The following GABRB2 variants were observed in gnomAD, a reference collection of about 807,000 sequenced individuals.
GABRB2 encodes gamma-aminobutyric acid receptor subunit beta-2.
GABRB2 carries 16 observed loss-of-function variants against 54.7 expected under a neutral mutation model. The ratio of observed to expected loss-of-function variants is 0.29; its 90% CI spans 0.20 to 0.44. The LOEUF (loss-of-function observed/expected upper bound fraction) is 0.44, where lower values mean the gene tolerates loss of function less well. Among genes scored for constraint, GABRB2 ranks in the 20% least tolerant of loss-of-function variants. The pLI is 1.00. For synonymous variants in GABRB2, 244 were observed against 233.8 expected, an observed-to-expected ratio of 1.04 and a Z score of -0.40; for missense variants, 355 against 644.0, an observed-to-expected ratio of 0.55 and a Z score of 4.86.
intron 3 of GABRB2, among the ~76,000 whole-genome samples, chr5:161,460,913 C>G (rs1186232784): frequency 6.6e-6 from 1 of 152,062 alleles, no homozygotes; most frequent in African/African-American, 2.4e-5. Context: ...AGAGAAGGAG[C>G]CCAAACCACT....
At chr5:161,428,616 A>C (rs1396878727) in intron 4 of GABRB2, among the ~76,000 whole-genome samples, 2 of 152,196 alleles carry the variant, frequency 1.3e-5, no homozygotes, top group Non-Finnish European at 2.9e-5. Flanking sequence ...AAAAGTCATT[A>C]AACTACTGAG....
intron 5 of GABRB2, among the ~76,000 whole-genome samples, chr5:161,355,341 T>C (rs1414041084): frequency 6.7e-6 from 1 of 148,524 alleles, no homozygotes; most frequent in Non-Finnish European, 1.5e-5. Context: ...TAACATATGG[T>C]ATATATGATA....
chr5:161,300,123 A>G (rs1175705887), intron 9 of GABRB2, among the ~76,000 whole-genome samples: 1 of 152,200 alleles, frequency 6.6e-6, no homozygotes, highest in Admixed American at 6.5e-5. Context: ...CAAGGTCAAG[A>G]GCAAAAGTAT....
chr5:161,519,267 C>A (rs1234236890), intron 3 of GABRB2, among the ~76,000 whole-genome samples: 1 of 152,166 alleles, frequency 6.6e-6, no homozygotes, highest in African/African-American at 2.4e-5. Context: ...AGACTCACAG[C>A]TTTTCATTAT....
chr5:161,358,507 T>C (rs1423682778), intron 5 of GABRB2, among the ~76,000 whole-genome samples: 1 of 152,180 alleles, frequency 6.6e-6, no homozygotes, highest in Admixed American at 6.5e-5. Flanking sequence ...AATAACAGCA[T>C]GTTTCTAATA....
intron 4 of GABRB2, among the ~76,000 whole-genome samples, chr5:161,438,462 C>T (rs1050672726): frequency 6.6e-6 from 1 of 152,134 alleles, no homozygotes; most frequent in African/African-American, 2.4e-5. Flanking sequence ...GACCAGAATA[C>T]ACAGCTAACT....
intron 9 of GABRB2, among the ~76,000 whole-genome samples, chr5:161,317,060 GGT>G (rs149852961): frequency 1.3e-5 from 2 of 151,710 alleles, no homozygotes; most frequent in Non-Finnish European, 2.9e-5. Context: ...GTGTGTGGCA[GGT>G]GTGTGTGTGT....
rs1365339926 is a variant in GABRB2, at chr5:161,546,415, TA to T, written c.78-3del. Reference sequence around the variant, plus strand: ...GACATATTACTAGGGTCATTGACACTAAAGAAAGAAATGACAATAAGCAGGC... The same window carrying T: ...GACATATTACTAGGGTCATTGACACTAAGAAAGAAATGACAATAAGCAGGC... On this transcript the variant is annotated splice_polypyrimidine_tract_variant and splice_region_variant and intron_variant, in intron 1 of 9. Transcript: ENST00000393959. 1 of 1,612,248 alleles carries T rather than the reference TA, an allele frequency of 6.2e-7. No individual in the cohort carries two copies. Among genetic ancestry groups the T allele is most frequent in the Non-Finnish European group, 8.5e-7 (1 of 1,178,430 alleles).
chr5:161,431,609 G>A (rs983213574), intron 4 of GABRB2, among the ~76,000 whole-genome samples: 1 of 152,028 alleles, frequency 6.6e-6, no homozygotes, highest in Non-Finnish European at 1.5e-5. Context: ...ATTAGTATTC[G>A]ACAAAAAGCA....
At chr5:161,346,985 G>A (rs1379566757) in intron 5 of GABRB2, among the ~76,000 whole-genome samples, 1 of 152,070 alleles carries the variant, frequency 6.6e-6, no homozygotes, top group African/African-American at 2.4e-5. Context: ...CATGTAAATA[G>A]CAAGAGAGAA....
At chr5:161,335,305 T>C (rs1753959992) in intron 6 of GABRB2, among the ~76,000 whole-genome samples, 1 of 152,198 alleles carries the variant, frequency 6.6e-6, no homozygotes, top group African/African-American at 2.4e-5. Flanking sequence ...AAGAAAACTC[T>C]TCTCAAGACA....
At chr5:161,327,864 A>C (rs1219130397) in intron 8 of GABRB2, among the ~76,000 whole-genome samples, 1 of 152,108 alleles carries the variant, frequency 6.6e-6, no homozygotes, top group Admixed American at 6.6e-5. Context: ...AAAAAAAAAT[A>C]ACTATAGAAT....
intron 4 of GABRB2, among the ~76,000 whole-genome samples, chr5:161,429,190 T>C (rs1757097357): frequency 6.7e-6 from 1 of 150,200 alleles, no homozygotes; most frequent in African/African-American, 2.4e-5. Context: ...CTACTAAAAA[T>C]ACAAAAATTA....
intron 4 of GABRB2, among the ~76,000 whole-genome samples, chr5:161,428,772 G>A (rs992011990): frequency 6.6e-6 from 1 of 152,078 alleles, no homozygotes; most frequent in South Asian, 2.1e-4. Flanking sequence ...TAAAATCAAA[G>A]CTCAGATACA....
chr5:161,498,073 C>G (rs75884144), intron 3 of GABRB2, among the ~76,000 whole-genome samples: 1 of 152,072 alleles, frequency 6.6e-6, no homozygotes, highest in Non-Finnish European at 1.5e-5. Flanking sequence ...GAAAAGCTAA[C>G]ACATAATGCA....
intron 3 of GABRB2, among the ~76,000 whole-genome samples, chr5:161,466,245 G>A (rs1452892485): frequency 6.6e-6 from 1 of 151,994 alleles, no homozygotes; most frequent in Non-Finnish European, 1.5e-5. Context: ...ATGACATTCT[G>A]GAAAATTCCT....
rs186594022 is a variant in GABRB2, at chr5:161,494,029, T to G, written c.238-34185A>C. 4.3e-3 allele frequency among the ~76,000 whole-genome samples: 653 copies of G among 151,800 alleles called. 5 individuals carry two copies. Among genetic ancestry groups the G allele is most frequent in the Non-Finnish European group, 6.4e-3 (436 of 67,768 alleles). On this transcript the variant is annotated intron_variant, in intron 3 of 9. Transcript: ENST00000393959. ...ATATTTTGCAACAAATACATACAAT[T>G]TTTGTCAATTAAAAACCAAAATTTA...
At chr5:161,308,302 C>A (rs540059459) in intron 9 of GABRB2, among the ~76,000 whole-genome samples, 1 of 152,178 alleles carries the variant, frequency 6.6e-6, no homozygotes, top group Non-Finnish European at 1.5e-5. Context: ...GGTACCTCCC[C>A]TCCCTTGCCA....
At chr5:161,437,069 A>G (rs1383438033) in intron 4 of GABRB2, among the ~76,000 whole-genome samples, 1 of 152,148 alleles carries the variant, frequency 6.6e-6, no homozygotes, top group Non-Finnish European at 1.5e-5. Context: ...GGCCATAAGG[A>G]CTGCAACTAT....
Sources: gnomAD v4.1 joint callset for allele counts (sites outside exome capture counted in the v4.1 genomes callset) on GRCh38, gnomAD v4.1.1 for gene constraint, MANE v1.5 for transcripts, NCBI Gene and HGNC (gene_info 2026-07-23, HGNC 2026-07-21) for gene names.